The following TBC1D9B variants were observed in gnomAD, a reference collection of about 807,000 sequenced individuals.
The protein encoded by TBC1D9B is TBC1 domain family member 9B, also known as TBC1 domain family, member 9B (with GRAM domain).
In TBC1D9B, 87 loss-of-function variants were observed where a neutral mutation model predicts 121.1. The ratio of observed to expected loss-of-function variants is 0.72; its 90% CI spans 0.60 to 0.86. TBC1D9B has a LOEUF of 0.86. Among genes scored for constraint, TBC1D9B ranks in the 40% least tolerant of loss-of-function variants. The probability of loss-of-function intolerance (pLI) is 0.00; values close to 1 mark genes in which losing one functional copy is unlikely to be tolerated. For synonymous variants in TBC1D9B, 668 were observed against 670.1 expected, an observed-to-expected ratio of 1.00 and a Z score of 0.05; for missense variants, 1,540 against 1,628.6, an observed-to-expected ratio of 0.95 and a Z score of 0.94.
chr5:179,875,907 C>A lies in TBC1D9B; in HGVS notation c.1900+13G>T. 1 of 1,593,852 alleles carries A rather than the reference C, an allele frequency of 6.3e-7. No homozygotes were observed. Among genetic ancestry groups the A allele is most frequent in the East Asian group, 2.3e-5 (1 of 43,988 alleles). On this transcript the variant is annotated intron_variant, in intron 11 of 20. Transcript: ENST00000355235. This position sits in a 1 kb window ranked among gnomAD's most constrained non-coding sequence, Gnocchi z 4.5. ...CTGGAGACCCAGGCGAGGCAGCACC[C>A]GGGGACACTCACCCACCACCCTGGT...
chr5:179,899,519 C>A (rs1490702096), intron 2 of TBC1D9B, among the ~76,000 whole-genome samples: 1 of 152,184 alleles, frequency 6.6e-6, no homozygotes, highest in Non-Finnish European at 1.5e-5. Flanking sequence ...AACGTCCAGG[C>A]TGAATCACAG....
At position 179,893,523 on chromosome 5, in the gene TBC1D9B, T is replaced by G; in HGVS notation, c.578-56A>C. 4.5e-6 allele frequency: 7 copies of G among 1,547,742 alleles called. No individual in the cohort carries two copies. In the South Asian group the frequency reaches 7.4e-5, roughly 16 times the overall value. On this transcript the variant is annotated intron_variant, in intron 4 of 20. Transcript: ENST00000355235. ...TTAGGGCCTGGCAGGGCGAGGCTCC[T>G]GATGCCCATCTGTACCCCAGACCCA...
intron 15 of TBC1D9B, among the ~76,000 whole-genome samples, chr5:179,871,078 G>A (rs1561634580): frequency 6.6e-6 from 1 of 152,222 alleles, no homozygotes; most frequent in Non-Finnish European, 1.5e-5. Flanking sequence ...CTGGCATGGT[G>A]TAGGAAGAGC....
intron 7 of TBC1D9B, among the ~76,000 whole-genome samples, chr5:179,883,518 T>A (rs1304423903): frequency 6.6e-6 from 1 of 152,206 alleles, no homozygotes; most frequent in Non-Finnish European, 1.5e-5. Flanking sequence ...CTGATTTTCA[T>A]TTCAGAAATA....
At chr5:179,903,939 C>T (rs1761231086) in intron 2 of TBC1D9B, among the ~76,000 whole-genome samples, 2 of 151,894 alleles carry the variant, frequency 1.3e-5, no homozygotes, top group South Asian at 4.2e-4. Flanking sequence ...GGGCATCAGG[C>T]GAGTCAAATT....
chr5:179,875,287 C>A lies in TBC1D9B; in HGVS notation c.1901-100G>T. Reference sequence around the variant, plus strand: ...GCCCTGGCCACTCCAGCCCTGCCAGCTGTGCAGTGAGGGCTGAGGGAGACT... The same window carrying A: ...GCCCTGGCCACTCCAGCCCTGCCAGATGTGCAGTGAGGGCTGAGGGAGACT... On this transcript the variant is annotated intron_variant, in intron 11 of 20. Coordinates refer to ENST00000355235, the MANE Select transcript of TBC1D9B (RefSeq NM_015043.4). This position sits in a 1 kb window ranked among gnomAD's most constrained non-coding sequence, Gnocchi z 4.5. 1 of 1,440,582 alleles carries A rather than the reference C, an allele frequency of 6.9e-7. No individual in the cohort carries two copies. Among genetic ancestry groups the A allele is most frequent in the Non-Finnish European group, 9.3e-7 (1 of 1,079,610 alleles). 89.2% of individuals were successfully genotyped at this position (1,440,582 alleles called of 1,614,324 possible).
Position 179,863,020 on chromosome 5 carries a change from T to G in TBC1D9B, c.*428A>C. 1 of 257,848 alleles carries G rather than the reference T, an allele frequency of 3.9e-6. No homozygotes were observed. The highest frequency in any genetic ancestry group is 4.6e-5 in the South Asian group (1 of 21,908). 16.0% of individuals were successfully genotyped at this position (257,848 alleles called of 1,614,324 possible). A position where few individuals can be genotyped will look rare whatever the true frequency, so the allele number is the denominator to read the frequency against. On this transcript the variant is annotated 3_prime_UTR_variant, in exon 21 of 21. Coordinates refer to ENST00000355235, the MANE Select transcript of TBC1D9B (RefSeq NM_015043.4). This position sits in a 1 kb window ranked among gnomAD's most constrained non-coding sequence, Gnocchi z 4.5. ...CCCAACAAGCACATGCCCCCCAACC[T>G]GGTGCCAAGAGGCAGGAATGACCCC...
At position 179,889,220 on chromosome 5, in the gene TBC1D9B, G is replaced by A. The variant is rs528784982; in HGVS notation, c.1045-908C>T. 7.9e-5 allele frequency among the ~76,000 whole-genome samples: 12 copies of A among 152,000 alleles called. No homozygotes were observed. The South Asian group carries it at 2.1e-3, about 26-fold the overall frequency. On this transcript the variant is annotated intron_variant, in intron 6 of 20. Coordinates refer to ENST00000355235, the MANE Select transcript of TBC1D9B (RefSeq NM_015043.4). ...AATTTTTTGTATTTTTAGTAGAGAC[G>A]GGTTTCACCATGTTAGCCAGGATGG...
intron 18 of TBC1D9B, 193 bp from the exon 19 acceptor site, chr5:179,866,081 C>T (rs969676586): frequency 1.5e-5 from 9 of 594,242 alleles, no homozygotes; most frequent in South Asian, 4.1e-5. Context: ...AGCAAAAGGG[C>T]CTGAGCATTC....
rs568710152 is a variant in TBC1D9B at position 179,862,907 on chromosome 5, C to G, written c.*541G>C. 10 of 290,028 alleles carry G rather than the reference C, an allele frequency of 3.4e-5. No individual in the cohort carries two copies. Among genetic ancestry groups the G allele is most frequent in the East Asian group, 3.2e-4 (4 of 12,506 alleles). The allele number at this position is 290,028 out of a possible 1,614,324, so 18.0% of individuals were successfully genotyped here. On this transcript the variant is annotated 3_prime_UTR_variant, in exon 21 of 21. Coordinates refer to ENST00000355235, the MANE Select transcript of TBC1D9B (RefSeq NM_015043.4). ...CAGCCACGCCTGTGCGCAGCGCCCACTCTGTGCAATAAACATGTTCTGCCC... is the reference window on the plus strand; with the variant it reads ...CAGCCACGCCTGTGCGCAGCGCCCAGTCTGTGCAATAAACATGTTCTGCCC...
At chr5:179,889,454 G>A (rs1396188624) in intron 6 of TBC1D9B, among the ~76,000 whole-genome samples, 7 of 151,934 alleles carry the variant, frequency 4.6e-5, no homozygotes. Context: ...GAGGCGCACA[G>A]AAGGTCTCAC....
chr5:179,879,435 C>T, intron 8 of TBC1D9B, 193 bp downstream of exon 8: 1 of 1,033,032 alleles, frequency 9.7e-7, no homozygotes, highest in East Asian at 2.5e-5. Flanking sequence ...GCAAACAGCA[C>T]ACTGAGCAGG....
intron 14 of TBC1D9B, chr5:179,872,232 A>G (rs544620409): frequency 8.3e-5 from 13 of 157,444 alleles, no homozygotes; most frequent in Admixed American, 6.8e-4. Flanking sequence ...AGTGAGGGAT[A>G]CTCATTTGGC....
chr5:179,889,989 G>A (rs185543886), intron 6 of TBC1D9B, among the ~76,000 whole-genome samples: 6 of 152,130 alleles, frequency 3.9e-5, no homozygotes, highest in South Asian at 2.1e-4. Flanking sequence ...TGAGCTCTGC[G>A]GGGTGAGCTG....
chr5:179,865,662 G>C lies in TBC1D9B; in HGVS notation c.2914+176C>G. 1 of 723,960 alleles carries C rather than the reference G, an allele frequency of 1.4e-6. No individual in the cohort carries two copies. The highest frequency in any genetic ancestry group is 2.6e-5 in the East Asian group (1 of 38,052). The allele number at this position is 723,960 out of a possible 1,614,324, so 44.8% of individuals were successfully genotyped here. On this transcript the variant is annotated intron_variant, in intron 19 of 20. Transcript: ENST00000355235. This position sits in a 1 kb window ranked among gnomAD's most constrained non-coding sequence, Gnocchi z 5.1. Reference sequence around the variant, plus strand: ...GAGAGGGCTGGCTGGGTGCCCGTGGGGCTGGTGGAGAGCGTGGAGCCTCCT... The same window carrying C: ...GAGAGGGCTGGCTGGGTGCCCGTGGCGCTGGTGGAGAGCGTGGAGCCTCCT...
chr5:179,907,727 T>C lies in TBC1D9B; in HGVS notation c.95A>G (p.His32Arg). 8.4e-7 allele frequency: 1 copy of C among 1,184,528 alleles called. No homozygotes were observed. Among genetic ancestry groups the C allele is most frequent in the Non-Finnish European group, 1.1e-6 (1 of 932,428 alleles). The allele number at this position is 1,184,528 out of a possible 1,614,324, so 73.4% of individuals were successfully genotyped here. A position where few individuals can be genotyped will look rare whatever the true frequency, so the allele number is the denominator to read the frequency against. Residue 32 changes from histidine to arginine, a missense_variant, in exon 1 of 21, where the codon CAC becomes CGC. Coordinates refer to ENST00000355235, the MANE Select transcript of TBC1D9B (RefSeq NM_015043.4). This position sits in a 1 kb window ranked among gnomAD's most constrained non-coding sequence, Gnocchi z 5.3. Reference protein sequence around the residue: ...PFFVLQRRRGHGRGGGLTGLL... With the variant: ...PFFVLQRRRGRGRGGGLTGLL... Reference sequence around the variant, plus strand: ...ACCCGTAAGGCCGCCGCCCCTGCCGTGGCCCCGGCGTCGCTGCAGCACGAA... The same window carrying C: ...ACCCGTAAGGCCGCCGCCCCTGCCGCGGCCCCGGCGTCGCTGCAGCACGAA...
In TBC1D9B at chr5:179,863,810, C is replaced by T. The variant is rs754360253; in HGVS notation, c.3340G>A (p.Gly1114Ser). The T allele has an allele frequency of 1.2e-6, 2 of 1,613,610 alleles. No homozygotes were observed. The highest frequency in any genetic ancestry group is 2.2e-5 in the East Asian group (1 of 44,856). Residue 1114 changes from glycine to serine, a missense_variant, in exon 21 of 21, where the codon GGC becomes AGC. Gly to Ser is a moderately conservative substitution (Grantham distance 56, BLOSUM62 0). Transcript: ENST00000355235. The surrounding 1 kb of genome is among the most constrained non-coding windows in gnomAD (Gnocchi z 4.5). The stretch of plus-strand genomic sequence containing the variant: ...GGTGAGCCCTGTCCCTCGCCGCTGC[C>T]CCCCTCCACCACCACCTGGCTCTCC... ...PQESQVVVEG[G>S]SGEGQGSPSQ...
chr5:179,898,799 A>G (rs1300878794), intron 3 of TBC1D9B, among the ~76,000 whole-genome samples: 1 of 152,244 alleles, frequency 6.6e-6, no homozygotes, highest in East Asian at 1.9e-4. Flanking sequence ...GTAAACGCCA[A>G]GAATGGAATT....
chr5:179,884,885 C>T (rs1760635065), intron 7 of TBC1D9B, among the ~76,000 whole-genome samples: 1 of 152,060 alleles, frequency 6.6e-6, no homozygotes, highest in African/African-American at 2.4e-5. Flanking sequence ...TTAATGGGTT[C>T]AGAGTTTCAG....
Sources: gnomAD v4.1 joint callset for allele counts (sites outside exome capture counted in the v4.1 genomes callset) on GRCh38, gnomAD v4.1.1 for gene constraint, Gnocchi (gnomAD v3.1) non-coding constraint, MANE v1.5 for transcripts, NCBI Gene and HGNC (gene_info 2026-07-23, HGNC 2026-07-21) for gene names.